SCN9A: variants seen among roughly 807,000 people sequenced by gnomAD.
The protein encoded by SCN9A is sodium channel protein type 9 subunit alpha.
A neutral mutation model predicts 187.0 loss-of-function variants in SCN9A; 131 were observed. That is an observed-to-expected ratio of 0.70 (90% CI 0.61 to 0.81). SCN9A has a LOEUF of 0.81. Ranked by LOEUF, SCN9A falls within the 30% of genes least tolerant of loss-of-function variation. The probability of loss-of-function intolerance (pLI) is 0.00; values close to 1 mark genes in which losing one functional copy is unlikely to be tolerated. For synonymous variants in SCN9A, 809 were observed against 808.6 expected, an observed-to-expected ratio of 1.00 and a Z score of -0.01; for missense variants, 2,252 against 2,396.6, an observed-to-expected ratio of 0.94 and a Z score of 1.26.
intron 1 of SCN9A, among the ~76,000 whole-genome samples, chr2:166,366,153 C>A (rs773919023): frequency 6.6e-6 from 1 of 152,084 alleles, no homozygotes; most frequent in Non-Finnish European, 1.5e-5. Context: ...ATTTTGGAGG[C>A]CAACTAGACC....
chr2:166,364,810 G>T (rs540485824), intron 1 of SCN9A, among the ~76,000 whole-genome samples: 1 of 152,172 alleles, frequency 6.6e-6, no homozygotes, highest in South Asian at 2.1e-4. Context: ...CATTTGAAAT[G>T]GTTAAAATGG....
At chr2:166,299,663 A>G (rs904742221) in intron 7 of SCN9A, among the ~76,000 whole-genome samples, 2 of 150,782 alleles carry the variant, frequency 1.3e-5, no homozygotes, top group African/African-American at 5.0e-5. Context: ...CTACTTAAAA[A>G]TATCAGGGAT....
rs1192181120 is a variant in SCN9A, at chr2:166,251,893, G to C, written c.3352-8C>G. 3 of 1,611,794 alleles carry C rather than the reference G, an allele frequency of 1.9e-6. No individual in the cohort carries two copies. The South Asian group carries it at 3.3e-5, about 18-fold the overall frequency. ...GCTTGACCGGTTTAATCTCTAGAAA[G>C]GAATTCACCACCCCACCAGGTAGTT... On this transcript the variant is annotated splice_polypyrimidine_tract_variant and splice_region_variant and intron_variant, in intron 17 of 26. Coordinates refer to ENST00000642356, the MANE Select transcript of SCN9A (RefSeq NM_001365536.1).
At chr2:166,265,050 A>C (rs1410723802) in intron 17 of SCN9A, among the ~76,000 whole-genome samples, 1 of 151,996 alleles carries the variant, frequency 6.6e-6, no homozygotes, top group African/African-American at 2.4e-5. Context: ...TTGAACATTT[A>C]CCATTTCTTT....
intron 7 of SCN9A, chr2:166,296,069 G>GTCT (rs1448195507): frequency 5.9e-5 from 9 of 152,112 alleles, no homozygotes; most frequent in Non-Finnish European, 1.3e-4. Context: ...GAGTAATCAT[G>GTCT]GAAGAAAGAC....
chr2:166,294,396 CT>C (rs1434781085), intron 8 of SCN9A, among the ~76,000 whole-genome samples: 2 of 152,154 alleles, frequency 1.3e-5, no homozygotes, highest in African/African-American at 4.8e-5. Context: ...AATTCGAGCA[CT>C]GTCTCAAAGT....
chr2:166,246,190 G>A (rs1311291525), intron 18 of SCN9A, among the ~76,000 whole-genome samples: 1 of 151,756 alleles, frequency 6.6e-6, no homozygotes, highest in African/African-American at 2.4e-5. Context: ...TGGCTTAATA[G>A]GTCATTTATA....
chr2:166,355,759 A>G (rs1247671314), intron 1 of SCN9A, among the ~76,000 whole-genome samples: 1 of 150,790 alleles, frequency 6.6e-6, no homozygotes, highest in Admixed American at 6.6e-5. Context: ...TTCATGACAT[A>G]TTTCTGGGAA....
intron 1 of SCN9A, among the ~76,000 whole-genome samples, chr2:166,354,845 G>T (rs905302478): frequency 2.6e-5 from 4 of 151,924 alleles, no homozygotes; most frequent in Non-Finnish European, 5.9e-5. Context: ...TTATTAATAT[G>T]GTTGAATATA....
chr2:166,273,316 T>C (rs1204799532), intron 16 of SCN9A, among the ~76,000 whole-genome samples: 1 of 152,200 alleles, frequency 6.6e-6, no homozygotes, highest in Non-Finnish European at 1.5e-5. Context: ...TTTTCTATTG[T>C]GCTAAAGATC....
chr2:166,327,100 C>G (rs1699382909), intron 1 of SCN9A, among the ~76,000 whole-genome samples: 1 of 151,904 alleles, frequency 6.6e-6, no homozygotes, highest in Non-Finnish European at 1.5e-5. Flanking sequence ...GCGTTTATAC[C>G]ACAGAAGGAG....
chr2:166,315,652 G>A (rs1225859447), intron 1 of SCN9A, among the ~76,000 whole-genome samples: 1 of 152,176 alleles, frequency 6.6e-6, no homozygotes, highest in African/African-American at 2.4e-5. Context: ...CTTTGAAGAA[G>A]AGCAGCTTTA....
intron 1 of SCN9A, among the ~76,000 whole-genome samples, chr2:166,357,693 A>G (rs1700181731): frequency 6.6e-6 from 1 of 152,202 alleles, no homozygotes; most frequent in South Asian, 2.1e-4. Flanking sequence ...CTTCTTCATT[A>G]GATATACTTT....
chr2:166,372,557 A>C (rs1261774495), intron 1 of SCN9A, among the ~76,000 whole-genome samples: 1 of 152,134 alleles, frequency 6.6e-6, no homozygotes, highest in African/African-American at 2.4e-5. Flanking sequence ...ATTTTAATAC[A>C]TTTGTGGTCA....
At chr2:166,265,777 C>T (rs758282441) in intron 17 of SCN9A, among the ~76,000 whole-genome samples, 1 of 151,890 alleles carries the variant, frequency 6.6e-6, no homozygotes, top group Non-Finnish European at 1.5e-5. Flanking sequence ...GAGGAGATAC[C>T]TCAAGATAGG....
chr2:166,267,672 T>G (rs1265844931), intron 17 of SCN9A, among the ~76,000 whole-genome samples: 1 of 151,994 alleles, frequency 6.6e-6, no homozygotes, highest in African/African-American at 2.4e-5. Context: ...AATTCATCAG[T>G]GAAGCCATGT....
chr2:166,330,143 G>C (rs1699465948), intron 1 of SCN9A, among the ~76,000 whole-genome samples: 1 of 151,984 alleles, frequency 6.6e-6, no homozygotes, highest in Non-Finnish European at 1.5e-5. Context: ...CTTGTATTGT[G>C]GATAATATCA....
rs572751761 is a variant in SCN9A, at chr2:166,216,355, T to C, written c.4398+10212A>G. ...GGATATCGACTATTACCACTTCTTTTTGACATAGTACTAGAAATCCCATCC... is the reference window on the plus strand; with the variant it reads ...GGATATCGACTATTACCACTTCTTTCTGACATAGTACTAGAAATCCCATCC... On this transcript the variant is annotated intron_variant, in intron 24 of 26. Coordinates refer to ENST00000642356, the MANE Select transcript of SCN9A (RefSeq NM_001365536.1). Among the ~76,000 whole-genome samples, 7 of 152,186 alleles carry C rather than the reference T, an allele frequency of 4.6e-5. No homozygotes were observed. In the South Asian group the frequency reaches 1.4e-3, roughly 31 times the overall value.
chr2:166,339,028 G>T (rs969160113), intron 1 of SCN9A, among the ~76,000 whole-genome samples: 4 of 152,228 alleles, frequency 2.6e-5, no homozygotes, highest in East Asian at 1.9e-4. Flanking sequence ...TGTTGCAAAG[G>T]TCTTGGCATC....
Sources: gnomAD v4.1 joint callset for allele counts (sites outside exome capture counted in the v4.1 genomes callset) on GRCh38, gnomAD v4.1.1 for gene constraint, MANE v1.5 for transcripts, NCBI Gene and HGNC (gene_info 2026-07-23, HGNC 2026-07-21) for gene names.